The following ASB13 variants were observed in gnomAD, a reference collection of about 807,000 sequenced individuals.
The protein encoded by ASB13 is ankyrin repeat and SOCS box protein 13.
ASB13 carries 33 observed loss-of-function variants against 28.8 expected under a neutral mutation model. That is an observed-to-expected ratio of 1.15 (90% CI 0.87 to 1.53). The LOEUF (loss-of-function observed/expected upper bound fraction) is 1.53, where lower values mean the gene tolerates loss of function less well. Among genes scored for constraint, ASB13 ranks in the 40% most tolerant of loss-of-function variants. ASB13 has a pLI of 0.00. For missense variants in ASB13, 414 were observed against 390.1 expected (o/e 1.06, Z -0.52); for synonymous variants, 182 against 172.9 (o/e 1.05, Z -0.41).
Position 5,640,710 on chromosome 10 carries a change from T to C in ASB13, c.830A>G (p.Tyr277Cys). Residue 277 changes from tyrosine (Y) to cysteine (C), a missense_variant, in exon 6 of 6, where the codon TAC (tyrosine) becomes TGC (cysteine). Coordinates refer to ENST00000357700, the MANE Select transcript of ASB13 (RefSeq NM_024701.4). ...IPPRLIDYLS[Y>C]N is the part of the protein sequence containing the mutation. ...CCGGACCCCACCTGCAATTCAGTTG[T>C]AGGAGAGGTAATCAATGAGCCGGGG... The C allele has an allele frequency of 6.2e-7, 1 of 1,614,040 alleles. No homozygotes were observed. The highest frequency in any genetic ancestry group is 8.5e-7 in the Non-Finnish European group (1 of 1,179,994).
chr10:5,654,185 A>G (rs1413015756), intron 1 of ASB13, among the ~76,000 whole-genome samples: 2 of 122,946 alleles, frequency 1.6e-5, no homozygotes, highest in African/African-American at 6.3e-5. Context: ...TAGGGATCCT[A>G]TTTCCCATAC....
rs77219765 is a variant in ASB13 at position 5,645,150 on chromosome 10, C to T, written c.518-3189G>A. Reference sequence around the variant, plus strand: ...CCCGTGGCCAGTGACGTGACGGGACCGCCTAAGACCTTAGCACGCCAAGAC... The same window carrying T: ...CCCGTGGCCAGTGACGTGACGGGACTGCCTAAGACCTTAGCACGCCAAGAC... On this transcript the variant is annotated intron_variant, in intron 4 of 5. Transcript: ENST00000357700. This position sits in a 1 kb window ranked among gnomAD's most constrained non-coding sequence, Gnocchi z 5.4. Among the ~76,000 whole-genome samples the T allele has an allele frequency of 0.064, 9,783 of 151,852 alleles. 383 individuals are homozygous for T. Among genetic ancestry groups the T allele is most frequent in the Non-Finnish European group, 0.088 (5,953 of 67,946 alleles).
rs374387459 is a variant in ASB13 at position 5,642,850 on chromosome 10, G to A, written c.518-889C>T. ...TGTAGAGACGGGGTTTTGCCGTGTT[G>A]GCCAGGTTGGTCTCGAACTCCTGGC... On this transcript the variant is annotated intron_variant, in intron 4 of 5. Coordinates refer to ENST00000357700, the MANE Select transcript of ASB13 (RefSeq NM_024701.4). The surrounding 1 kb of genome is among the most constrained non-coding windows in gnomAD (Gnocchi z 4.1). 1.2e-3 allele frequency among the ~76,000 whole-genome samples: 179 copies of A among 152,042 alleles called. No homozygotes were observed. Among genetic ancestry groups the A allele is most frequent in the African/African-American group, 4.2e-3 (176 of 41,478 alleles).
At chr10:5,653,730 G>A (rs932383173) in intron 1 of ASB13, among the ~76,000 whole-genome samples, 1 of 152,050 alleles carries the variant, frequency 6.6e-6, no homozygotes, top group African/African-American at 2.4e-5. Flanking sequence ...CACCCAGGCT[G>A]GAGTGCAATG....
rs531179959 is a variant in ASB13 at position 5,661,695 on chromosome 10, C to T, written c.43+4814G>A. Among the ~76,000 whole-genome samples the T allele has an allele frequency of 6.6e-6, 1 of 152,158 alleles. No individual in the cohort carries two copies. The highest frequency in any genetic ancestry group is 2.1e-4 in the South Asian group (1 of 4,816). On this transcript the variant is annotated intron_variant, in intron 1 of 5. Transcript: ENST00000357700. This position sits in a 1 kb window ranked among gnomAD's most constrained non-coding sequence, Gnocchi z 4.9. ...TGTATTTTCTGTAGAGACAGGGTTTCACCATGTTGCCCAGGCTGGTCTCAA... is the reference window on the plus strand; with the variant it reads ...TGTATTTTCTGTAGAGACAGGGTTTTACCATGTTGCCCAGGCTGGTCTCAA...
rs1004354704 is a variant in ASB13 at position 5,663,076 on chromosome 10, G to A, written c.43+3433C>T. On this transcript the variant is annotated intron_variant, in intron 1 of 5. Transcript: ENST00000357700. This position sits in a 1 kb window ranked among gnomAD's most constrained non-coding sequence, Gnocchi z 4.9. ...ATGAATCCCCAAAATATAGTTTGTC[G>A]GTAAACTTGAGGTCAAACAGCAGAC... Among the ~76,000 whole-genome samples the A allele has an allele frequency of 6.6e-5, 10 of 152,034 alleles. No homozygotes were observed. The highest frequency in any genetic ancestry group is 1.9e-4 in the African/African-American group (8 of 41,364).
In ASB13 at chr10:5,661,737, G is replaced by T. The variant is rs1835169886; in HGVS notation, c.43+4772C>A. 6.6e-6 allele frequency among the ~76,000 whole-genome samples: 1 copy of T among 152,134 alleles called. No homozygotes were observed. Among genetic ancestry groups the T allele is most frequent in the Admixed American group, 6.5e-5 (1 of 15,274 alleles). On this transcript the variant is annotated intron_variant, in intron 1 of 5. Coordinates refer to ENST00000357700, the MANE Select transcript of ASB13 (RefSeq NM_024701.4). This position sits in a 1 kb window ranked among gnomAD's most constrained non-coding sequence, Gnocchi z 4.9. ...TGGTCTCAAACTCCTGGGTTCAAGT[G>T]ATCCTCCCGCCTTGGCCTCCCTAAG...
rs1164064951 is a variant in ASB13, at chr10:5,658,833, G to A, written c.44-5783C>T. On this transcript the variant is annotated intron_variant, in intron 1 of 5. Coordinates refer to ENST00000357700, the MANE Select transcript of ASB13 (RefSeq NM_024701.4). This position sits in a 1 kb window ranked among gnomAD's most constrained non-coding sequence, Gnocchi z 4.2. ...CTCATAGGAGATTTACAGTGGGGAAGGGAGGGATAGAAGGCTAGAGGACAG... is the reference window on the plus strand; with the variant it reads ...CTCATAGGAGATTTACAGTGGGGAAAGGAGGGATAGAAGGCTAGAGGACAG... Among the ~76,000 whole-genome samples, 1 of 152,174 alleles carries A rather than the reference G, an allele frequency of 6.6e-6. No homozygotes were observed. The highest frequency in any genetic ancestry group is 2.4e-5 in the African/African-American group (1 of 41,434).
Position 5,642,611 on chromosome 10 carries a change from G to A in ASB13, c.518-650C>T. The A allele has an allele frequency of 1.2e-6, 1 of 859,862 alleles. No individual in the cohort carries two copies. The highest frequency in any genetic ancestry group is 1.8e-5 in the African/African-American group (1 of 55,284). 53.3% of individuals were successfully genotyped at this position (859,862 alleles called of 1,614,324 possible). On this transcript the variant is annotated intron_variant, in intron 4 of 5. Transcript: ENST00000357700. The surrounding 1 kb of genome is among the most constrained non-coding windows in gnomAD (Gnocchi z 4.1). ...TTTTAAAAAAAAGAGCAGACATTCA[G>A]AAAGATGCAAGGAATTAGTAGCTAA...
chr10:5,641,717 G>C lies in ASB13; in HGVS notation c.709+53C>G. On this transcript the variant is annotated intron_variant, in intron 5 of 5. Coordinates refer to ENST00000357700, the MANE Select transcript of ASB13 (RefSeq NM_024701.4). This position sits in a 1 kb window ranked among gnomAD's most constrained non-coding sequence, Gnocchi z 8.4. ...AGCCCACAGGGAGCCGGCACGTCAGGGGTCCAGGCTGAAGGCTGGAGGGGA... is the reference window on the plus strand; with the variant it reads ...AGCCCACAGGGAGCCGGCACGTCAGCGGTCCAGGCTGAAGGCTGGAGGGGA... The C allele has an allele frequency of 2.0e-6, 3 of 1,510,022 alleles. No individual in the cohort carries two copies. Among genetic ancestry groups the C allele is most frequent in the Non-Finnish European group, 2.7e-6 (3 of 1,118,140 alleles). 93.5% of individuals were successfully genotyped at this position (1,510,022 alleles called of 1,614,324 possible). A position where few individuals can be genotyped will look rare whatever the true frequency, so the allele number is the denominator to read the frequency against.
rs1835225566 is a variant in ASB13 at position 5,664,567 on chromosome 10, G to A, written c.43+1942C>T. ...GATTTAAACAAAAACAATTCTACTGGAGGACCCTGGGGGGAACGTACGGGG... is the reference window on the plus strand; with the variant it reads ...GATTTAAACAAAAACAATTCTACTGAAGGACCCTGGGGGGAACGTACGGGG... On this transcript the variant is annotated intron_variant, in intron 1 of 5. Coordinates refer to ENST00000357700, the MANE Select transcript of ASB13 (RefSeq NM_024701.4). This position sits in a 1 kb window ranked among gnomAD's most constrained non-coding sequence, Gnocchi z 4.2. Among the ~76,000 whole-genome samples, 1 of 152,116 alleles carries A rather than the reference G, an allele frequency of 6.6e-6. No homozygotes were observed. Among genetic ancestry groups the A allele is most frequent in the South Asian group, 2.1e-4 (1 of 4,818 alleles).
At chr10:5,665,639 A>C (rs1444750933) in intron 1 of ASB13, among the ~76,000 whole-genome samples, 1 of 152,184 alleles carries the variant, frequency 6.6e-6, no homozygotes, top group Admixed American at 6.5e-5. Context: ...ACACATGCTT[A>C]TTAGATACCT....
Position 5,640,513 on chromosome 10 carries a change from G to C in ASB13, c.*190C>G. The C allele has an allele frequency of 4.3e-6, 3 of 693,610 alleles. No homozygotes were observed. The highest frequency in any genetic ancestry group is 7.0e-6 in the Non-Finnish European group (3 of 428,766). The allele number at this position is 693,610 out of a possible 1,614,324, so 43.0% of individuals were successfully genotyped here. ...ACCCACAACTGTGACCTGAGACGCA[G>C]GCCTTCCCAACACCCTGGAAACATT... On this transcript the variant is annotated 3_prime_UTR_variant, in exon 6 of 6. Coordinates refer to ENST00000357700, the MANE Select transcript of ASB13 (RefSeq NM_024701.4).
intron 1 of ASB13, among the ~76,000 whole-genome samples, chr10:5,662,534 G>T (rs917827787): frequency 0.042 from 1,204 of 29,002 alleles, 29 homozygotes; most frequent in Non-Finnish European, 0.074. Flanking sequence ...TGTCGAGAAG[G>T]GGGGGGGAGG....
rs1350832755 is a variant in ASB13, at chr10:5,658,727, TA to T, written c.44-5678del. On this transcript the variant is annotated intron_variant, in intron 1 of 5. Transcript: ENST00000357700. The surrounding 1 kb of genome is among the most constrained non-coding windows in gnomAD (Gnocchi z 4.2). ...TGTGTTCTGTGCTCTCTACTACAAT[TA>T]AAAATAGAAAAAAAAAATTTTTAAG... Among the ~76,000 whole-genome samples, 1 of 151,862 alleles carries T rather than the reference TA, an allele frequency of 6.6e-6. No individual in the cohort carries two copies. Among genetic ancestry groups the T allele is most frequent in the African/African-American group, 2.4e-5 (1 of 41,256 alleles).
Position 5,663,445 on chromosome 10 carries a change from C to T in ASB13, c.43+3064G>A, listed in dbSNP as rs1469985077. Among the ~76,000 whole-genome samples, 1 of 152,130 alleles carries T rather than the reference C, an allele frequency of 6.6e-6. No homozygotes were observed. Among genetic ancestry groups the T allele is most frequent in the Non-Finnish European group, 1.5e-5 (1 of 68,018 alleles). Reference sequence around the variant, plus strand: ...CCCGACTCCTCCCTTGCCCCTGGTCCACCCCAAAGGCTATGGCCCAGGGAG... The same window carrying T: ...CCCGACTCCTCCCTTGCCCCTGGTCTACCCCAAAGGCTATGGCCCAGGGAG... On this transcript the variant is annotated intron_variant, in intron 1 of 5. Transcript: ENST00000357700. This position sits in a 1 kb window ranked among gnomAD's most constrained non-coding sequence, Gnocchi z 4.9.
At chr10:5,647,553 A>C (rs967007603) in intron 4 of ASB13, among the ~76,000 whole-genome samples, 1 of 152,098 alleles carries the variant, frequency 6.6e-6, no homozygotes, top group Non-Finnish European at 1.5e-5. Context: ...TGCCAACTCC[A>C]CTTCCCATTA....
rs966939690 is a variant in ASB13 at position 5,660,050 on chromosome 10, T to C, written c.43+6459A>G. On this transcript the variant is annotated intron_variant, in intron 1 of 5. Coordinates refer to ENST00000357700, the MANE Select transcript of ASB13 (RefSeq NM_024701.4). The surrounding 1 kb of genome is among the most constrained non-coding windows in gnomAD (Gnocchi z 6.1). ...TGACCCAGTCCTGATGGCTGGATTCTACCCACTTCCTCCTCTGCTTCAGGT... is the reference window on the plus strand; with the variant it reads ...TGACCCAGTCCTGATGGCTGGATTCCACCCACTTCCTCCTCTGCTTCAGGT... 5.3e-5 allele frequency among the ~76,000 whole-genome samples: 8 copies of C among 152,222 alleles called. No individual in the cohort carries two copies. The highest frequency in any genetic ancestry group is 3.3e-4 in the Admixed American group (5 of 15,282).
Position 5,664,191 on chromosome 10 carries a change from G to C in ASB13, c.43+2318C>G, listed in dbSNP as rs1201785522. 6.6e-6 allele frequency among the ~76,000 whole-genome samples: 1 copy of C among 152,014 alleles called. No homozygotes were observed. Among genetic ancestry groups the C allele is most frequent in the Non-Finnish European group, 1.5e-5 (1 of 68,016 alleles). On this transcript the variant is annotated intron_variant, in intron 1 of 5. Transcript: ENST00000357700. This position sits in a 1 kb window ranked among gnomAD's most constrained non-coding sequence, Gnocchi z 4.2. The stretch of plus-strand genomic sequence containing the variant: ...GAGGGCACTGAACGCAAAGGGATGC[G>C]CAAATCCCCATAAACAACAGGAAGA...
Sources: allele counts gnomAD v4.1 joint callset (sites outside exome capture counted in the v4.1 genomes callset), GRCh38; gene constraint gnomAD v4.1.1; non-coding constraint Gnocchi (gnomAD v3.1); transcripts MANE v1.5; gene names NCBI Gene and HGNC (gene_info 2026-07-23, HGNC 2026-07-21).